TMEM150C: variants seen among roughly 807,000 people sequenced by gnomAD.
The protein encoded by TMEM150C is transmembrane protein 150C.
In TMEM150C, 10 loss-of-function variants were observed where a neutral mutation model predicts 29.9. The ratio of observed to expected loss-of-function variants is 0.33; its 90% CI spans 0.21 to 0.57. The LOEUF is 0.57. Ranked by LOEUF, TMEM150C falls within the 20% of genes least tolerant of loss-of-function variation. The pLI is 0.88. For synonymous variants in TMEM150C, 101 were observed against 112.5 expected (o/e 0.90, Z 0.64); for missense variants, 251 against 303.6 (o/e 0.83, Z 1.29).
chr4:82,539,492 G>C (rs963226616), intron 1 of TMEM150C, among the ~76,000 whole-genome samples: 2 of 148,472 alleles, frequency 1.3e-5, no homozygotes, highest in East Asian at 3.9e-4. Context: ...TCGCTCTGTC[G>C]CCCAGGCTGG....
intron 1 of TMEM150C, among the ~76,000 whole-genome samples, chr4:82,522,297 G>A (rs1203848429): frequency 6.6e-6 from 1 of 152,160 alleles, no homozygotes; most frequent in African/African-American, 2.4e-5. Flanking sequence ...GTAGAGAGAC[G>A]AAAACACTGG....
intron 1 of TMEM150C, 109 bp downstream of exon 1, chr4:82,561,797 T>G (rs1251831839): frequency 1.2e-5 from 10 of 824,940 alleles, no homozygotes; most frequent in Middle Eastern, 6.1e-4. Context: ...CCAGCCGCGC[T>G]GCAGCCCCCG....
chr4:82,490,521 C>CA (rs1272942089), intron 6 of TMEM150C, among the ~76,000 whole-genome samples: 1 of 152,008 alleles, frequency 6.6e-6, no homozygotes, highest in Non-Finnish European at 1.5e-5. Context: ...TACAAGCATA[C>CA]ACCCCAAACT....
intron 6 of TMEM150C, among the ~76,000 whole-genome samples, chr4:82,493,161 C>A (rs1372199355): frequency 2.0e-5 from 3 of 151,572 alleles, no homozygotes; most frequent in Non-Finnish European, 2.9e-5. Context: ...AGGGTTGCAT[C>A]AAATCAATGT....
Position 82,490,173 on chromosome 4 carries a change from G to A in TMEM150C, c.429C>T (p.Thr143=), listed in dbSNP as rs532866330. 1.1e-5 allele frequency: 17 copies of A among 1,613,974 alleles called. 1 individual carries two copies. Among genetic ancestry groups the A allele is most frequent in the Middle Eastern group, 1.6e-4 (1 of 6,062 alleles). The change falls in exon 7 of 8, where the codon ACC becomes ACT. Residue 143 remains threonine, a synonymous_variant. Transcript: ENST00000449862. ...GTGTCAGCGCAGCCTGGATCCAGCA[G>A]GTCAATGTGCCAAATCCAAAGGTCA... ...TSLTFGFGTL[T]CWIQAALTLK...
chr4:82,548,340 A>T (rs576522188), intron 1 of TMEM150C, among the ~76,000 whole-genome samples: 30 of 152,366 alleles, frequency 2.0e-4, no homozygotes, highest in African/African-American at 7.0e-4. Flanking sequence ...GAAATTACTT[A>T]AAAAATTAAA....
chr4:82,550,816 A>C (rs1031554138), intron 1 of TMEM150C, among the ~76,000 whole-genome samples: 1 of 151,314 alleles, frequency 6.6e-6, no homozygotes, highest in East Asian at 1.9e-4. Flanking sequence ...AGAAAGAAAG[A>C]AAGGAAGAGC....
chr4:82,495,640 A>G (rs1267529986), intron 6 of TMEM150C: 10 of 325,992 alleles, frequency 3.1e-5, no homozygotes. Flanking sequence ...TATATATAAC[A>G]GGAATGTAAC....
chr4:82,530,331 G>A (rs1272131320), intron 1 of TMEM150C, among the ~76,000 whole-genome samples: 1 of 152,134 alleles, frequency 6.6e-6, no homozygotes, highest in Non-Finnish European at 1.5e-5. Flanking sequence ...GCAGAGGCGG[G>A]TGGATCACGA....
chr4:82,562,081 G>T, upstream of TMEM150C: 1 of 1,183,400 alleles, frequency 8.5e-7, no homozygotes, highest in South Asian at 1.5e-5. Context: ...TTATTCTGGG[G>T]TCCCCGCTGC....
intron 1 of TMEM150C, among the ~76,000 whole-genome samples, chr4:82,511,472 A>ATTTTTTTT (rs397935719): frequency 0.064 from 6,757 of 105,954 alleles, 551 homozygotes; most frequent in East Asian, 0.083. Flanking sequence ...TCCCAACACT[A>ATTTTTTTT]TTTTTTTTTT....
intron 5 of TMEM150C, among the ~76,000 whole-genome samples, chr4:82,497,406 C>T (rs1194226899): frequency 6.6e-6 from 1 of 152,158 alleles, no homozygotes; most frequent in African/African-American, 2.4e-5. Flanking sequence ...ACTTTGATTA[C>T]AGGCCATTAT....
At position 82,496,065 on chromosome 4, in the gene TMEM150C, T is replaced by C; in HGVS notation, c.363+3A>G. ...GGGAGGTGAAAAAGGCCAAATCAAG[T>C]ACCTGAAAATTACCAAGTAAGGTCA... On this transcript the variant is annotated splice_donor_region_variant and intron_variant, in intron 6 of 7. Coordinates refer to ENST00000449862, the MANE Select transcript of TMEM150C (RefSeq NM_001080506.3). 6.2e-7 allele frequency: 1 copy of C among 1,613,950 alleles called. No homozygotes were observed. Among genetic ancestry groups the C allele is most frequent in the African/African-American group, 1.3e-5 (1 of 75,034 alleles).
In TMEM150C at chr4:82,490,151, T is replaced by A; in HGVS notation, c.451A>T (p.Thr151Ser). 2 of 1,614,030 alleles carry A rather than the reference T, an allele frequency of 1.2e-6. No homozygotes were observed. Among genetic ancestry groups the A allele is most frequent in the Non-Finnish European group, 1.7e-6 (2 of 1,179,886 alleles). ...TLTCWIQAAL[T>S]LKVNIKNEGR... Reference sequence around the variant, plus strand: ...TCATTCTTGATGTTGACCTTGAGTGTCAGCGCAGCCTGGATCCAGCAGGTC... The same window carrying A: ...TCATTCTTGATGTTGACCTTGAGTGACAGCGCAGCCTGGATCCAGCAGGTC... Residue 151 changes from threonine (T) to serine (S), a missense_variant, in exon 7 of 8, where the codon ACA becomes TCA. Thr to Ser is a moderately conservative substitution (Grantham distance 58). Coordinates refer to ENST00000449862, the MANE Select transcript of TMEM150C (RefSeq NM_001080506.3).
At chr4:82,486,795 G>T (rs547036592) in intron 7 of TMEM150C, among the ~76,000 whole-genome samples, 1 of 152,098 alleles carries the variant, frequency 6.6e-6, no homozygotes, top group Admixed American at 6.6e-5. Context: ...TATATATATG[G>T]AGTGTGTGTA....
chr4:82,517,890 G>A lies in TMEM150C; in HGVS notation c.-10-13223C>T, dbSNP rs577441478. 8.3e-4 allele frequency among the ~76,000 whole-genome samples: 127 copies of A among 152,296 alleles called. 2 individuals are homozygous for A. In the South Asian group the frequency reaches 0.026, roughly 31 times the overall value. On this transcript the variant is annotated intron_variant, in intron 1 of 7. Transcript: ENST00000449862. ...TGACTATACAGTCATCAGACAAAGTGGCTCCATAGTTAACCAAGAAAATGA... is the reference window on the plus strand; with the variant it reads ...TGACTATACAGTCATCAGACAAAGTAGCTCCATAGTTAACCAAGAAAATGA...
chr4:82,485,743 A>G, intron 7 of TMEM150C, 24 bp from the exon 8 acceptor site: 1 of 1,579,908 alleles, frequency 6.3e-7, no homozygotes, highest in Non-Finnish European at 8.6e-7. Context: ...GTCAAGGAAA[A>G]TACCCTCATC....
chr4:82,488,071 C>T (rs1211326173), intron 7 of TMEM150C, among the ~76,000 whole-genome samples: 1 of 152,150 alleles, frequency 6.6e-6, no homozygotes, highest in South Asian at 2.1e-4. Flanking sequence ...AATTTGTAGT[C>T]TTTTATCCCT....
At chr4:82,519,872 C>A (rs768598653) in intron 1 of TMEM150C, among the ~76,000 whole-genome samples, 19 of 152,220 alleles carry the variant, frequency 1.2e-4, no homozygotes, top group Non-Finnish European at 2.6e-4. Flanking sequence ...ATGTGCTCCT[C>A]CCCATCTATT....
Sources: gnomAD v4.1 joint callset for allele counts (sites outside exome capture counted in the v4.1 genomes callset) on GRCh38, gnomAD v4.1.1 for gene constraint, MANE v1.5 for transcripts, NCBI Gene and HGNC (gene_info 2026-07-23, HGNC 2026-07-21) for gene names.